The following NEGR1 variants were observed in gnomAD, a reference collection of about 807,000 sequenced individuals.
NEGR1 encodes the protein IgLON family member 4.
A neutral mutation model predicts 40.9 loss-of-function variants in NEGR1; 10 were observed. The observed-to-expected ratio is 0.24, with a 90% CI of 0.15 to 0.42. NEGR1 has a LOEUF of 0.42. NEGR1 is among the 10% of genes least tolerant of loss of function. The pLI, the probability that NEGR1 is intolerant of heterozygous loss-of-function variation, is 1.00. For synonymous variants in NEGR1, 185 were observed against 166.8 expected, an observed-to-expected ratio of 1.11 and a Z score of -0.84; for missense variants, 352 against 438.9, an observed-to-expected ratio of 0.80 and a Z score of 1.77.
At chr1:71,666,816 T>G (rs1020505545) in intron 4 of NEGR1, among the ~76,000 whole-genome samples, 2 of 152,198 alleles carry the variant, frequency 1.3e-5, no homozygotes, top group African/African-American at 4.8e-5. Context: ...GAATGATTTT[T>G]TTAAGTTTCA....
intron 6 of NEGR1, among the ~76,000 whole-genome samples, chr1:71,480,497 C>G (rs182218208): frequency 6.6e-6 from 1 of 151,710 alleles, no homozygotes; most frequent in Admixed American, 6.6e-5. Context: ...TATTGTTTGT[C>G]CCCTTCTGCT....
chr1:71,900,358 ATTAC>A (rs1449854593), intron 2 of NEGR1, among the ~76,000 whole-genome samples: 4 of 152,190 alleles, frequency 2.6e-5, no homozygotes, highest in Non-Finnish European at 5.9e-5. Flanking sequence ...AAATAAGCAT[ATTAC>A]TTAATGTTAT....
intron 6 of NEGR1, among the ~76,000 whole-genome samples, chr1:71,450,465 T>C (rs1175651732): frequency 6.6e-6 from 1 of 152,114 alleles, no homozygotes; most frequent in African/African-American, 2.4e-5. Context: ...ATACATAATA[T>C]TGAAAGAGAT....
chr1:71,637,447 A>C (rs1003683500), intron 4 of NEGR1, among the ~76,000 whole-genome samples: 4 of 151,934 alleles, frequency 2.6e-5, no homozygotes, highest in African/African-American at 9.7e-5. Context: ...GTTTAATGAG[A>C]TGGGCTTTAA....
intron 3 of NEGR1, among the ~76,000 whole-genome samples, chr1:71,708,022 A>G (rs971895270): frequency 6.6e-6 from 1 of 152,166 alleles, no homozygotes; most frequent in African/African-American, 2.4e-5. Context: ...AAGCCTTTCA[A>G]AAAAGGATTG....
intron 1 of NEGR1, among the ~76,000 whole-genome samples, chr1:72,237,622 T>G (rs1054925060): frequency 2.0e-5 from 3 of 151,972 alleles, no homozygotes; most frequent in African/African-American, 4.8e-5. Context: ...TGAAATAAAT[T>G]TGATGTGCAC....
At chr1:71,990,914 A>AT (rs1174564206) in intron 1 of NEGR1, among the ~76,000 whole-genome samples, 42 of 118,916 alleles carry the variant, frequency 3.5e-4, no homozygotes, top group African/African-American at 1.3e-3. Context: ...ATATATATAT[A>AT]TATATTTTTT....
intron 3 of NEGR1, among the ~76,000 whole-genome samples, chr1:71,706,287 A>G (rs1653897349): frequency 6.6e-6 from 1 of 152,126 alleles, no homozygotes; most frequent in Non-Finnish European, 1.5e-5. Flanking sequence ...GAGGATTTAA[A>G]CCAGCCCTAG....
chr1:72,044,393 A>AT (rs906033716), intron 1 of NEGR1, among the ~76,000 whole-genome samples: 3 of 151,198 alleles, frequency 2.0e-5, no homozygotes, highest in African/African-American at 2.4e-5. Flanking sequence ...AGAAGAAACT[A>AT]TTTTTTTCTG....
chr1:71,444,241 A>G lies in NEGR1; in HGVS notation c.941-36671T>C, dbSNP rs184804466. On this transcript the variant is annotated intron_variant, in intron 6 of 6. Coordinates refer to ENST00000357731, the MANE Select transcript of NEGR1 (RefSeq NM_173808.3). The stretch of plus-strand genomic sequence containing the variant: ...GTTATGACCAGAAAATATTTTTAAA[A>G]AAGCCTTATCATTTCAGCCTATTTT... Among the ~76,000 whole-genome samples the G allele has an allele frequency of 2.2e-3, 332 of 152,306 alleles. 1 individual carries two copies. The highest frequency in any genetic ancestry group is 7.7e-3 in the African/African-American group (319 of 41,580).
At chr1:72,249,034 C>A (rs1322553410) in intron 1 of NEGR1, among the ~76,000 whole-genome samples, 2 of 152,100 alleles carry the variant, frequency 1.3e-5, no homozygotes, top group Non-Finnish European at 2.9e-5. Flanking sequence ...ATTGTGTCCC[C>A]CAAAATTCAT....
chr1:71,988,412 G>T (rs1032409361), intron 1 of NEGR1, among the ~76,000 whole-genome samples: 7 of 151,738 alleles, frequency 4.6e-5, no homozygotes, highest in South Asian at 2.1e-4. Context: ...GGTGGCGGGC[G>T]CCTGTAGTCC....
chr1:71,866,815 A>G (rs546548796), intron 2 of NEGR1, among the ~76,000 whole-genome samples: 38 of 152,324 alleles, frequency 2.5e-4, no homozygotes, highest in African/African-American at 8.9e-4. Context: ...GTATAATGTG[A>G]CGCTCTCTGA....
intron 3 of NEGR1, among the ~76,000 whole-genome samples, chr1:71,715,943 C>T (rs1557625041): frequency 1.3e-5 from 2 of 152,140 alleles, no homozygotes; most frequent in Admixed American, 1.3e-4. Context: ...ATAGCAGCAC[C>T]CTACTCTCTG....
At chr1:72,102,073 A>G (rs1390486078) in intron 1 of NEGR1, among the ~76,000 whole-genome samples, 1 of 152,096 alleles carries the variant, frequency 6.6e-6, no homozygotes. Context: ...GCAGTATTTG[A>G]TCGCTAGAAG....
At chr1:71,902,955 G>GA (rs1246848388) in intron 2 of NEGR1, among the ~76,000 whole-genome samples, 1 of 151,320 alleles carries the variant, frequency 6.6e-6, no homozygotes, top group African/African-American at 2.4e-5. Context: ...TATTATAATT[G>GA]AAAAAAACAT....
chr1:72,140,296 G>A (rs1288259537), intron 1 of NEGR1, among the ~76,000 whole-genome samples: 2 of 151,502 alleles, frequency 1.3e-5, no homozygotes, highest in Admixed American at 1.3e-4. Context: ...TATTTTTGAC[G>A]GTATAACAGA....
At chr1:71,553,282 C>T (rs1025190599) in intron 6 of NEGR1, among the ~76,000 whole-genome samples, 1 of 151,510 alleles carries the variant, frequency 6.6e-6, no homozygotes, top group Non-Finnish European at 1.5e-5. Flanking sequence ...AATAATAAGG[C>T]TATTTCAAGC....
At chr1:71,558,487 C>T (rs1238661097) in intron 6 of NEGR1, among the ~76,000 whole-genome samples, 1 of 151,388 alleles carries the variant, frequency 6.6e-6, no homozygotes, top group Admixed American at 6.6e-5. Context: ...AATTGGAATT[C>T]TTCTGGAGGA....
Sources: gnomAD v4.1 joint callset for allele counts (sites outside exome capture counted in the v4.1 genomes callset) on GRCh38, gnomAD v4.1.1 for gene constraint, MANE v1.5 for transcripts, NCBI Gene and HGNC (gene_info 2026-07-23, HGNC 2026-07-21) for gene names.